RIOX2: variants seen among roughly 807,000 people sequenced by gnomAD.
The protein encoded by RIOX2 is 60S ribosomal protein L27a histidine hydroxylase.
RIOX2 carries 43 observed loss-of-function variants against 51.2 expected under a neutral mutation model. That is an observed-to-expected ratio of 0.84 (90% CI 0.66 to 1.08). The LOEUF is 1.08. Ranked by LOEUF, RIOX2 falls within the 50% of genes least tolerant of loss-of-function variation. RIOX2 has a pLI of 0.00. For synonymous variants in RIOX2, 226 were observed against 218.5 expected (o/e 1.03, Z -0.30); for missense variants, 566 against 561.7 (o/e 1.01, Z -0.08).
rs148973708 is a variant in RIOX2 at position 97,943,331 on chromosome 3, A to G, written c.*1853T>C. ...ATATTGTGAGAGAATCAACATCCCT[A>G]GAAAGATCCCTAGAAAGAGCAAAGA... is the stretch of plus-strand genomic sequence containing the variant. On this transcript the variant is annotated 3_prime_UTR_variant, in exon 10 of 10. Transcript: ENST00000394198. 338 of 1,403,202 alleles carry G rather than the reference A, an allele frequency of 2.4e-4. No individual in the cohort carries two copies. In the African/African-American group the frequency reaches 4.0e-3, roughly 17 times the overall value. The allele number at this position is 1,403,202 out of a possible 1,614,324, so 86.9% of individuals were successfully genotyped here.
rs777020679 is a variant in RIOX2, at chr3:97,954,503, A to C, written c.682-8T>G. 2.0e-5 allele frequency: 32 copies of C among 1,609,816 alleles called. No homozygotes were observed. ...GTACAACAAATCACCCGGCTAAAGGAAGGAATAGGAAAGGGTAGAGAAGTT... is the reference window on the plus strand; with the variant it reads ...GTACAACAAATCACCCGGCTAAAGGCAGGAATAGGAAAGGGTAGAGAAGTT... On this transcript the variant is annotated splice_region_variant and splice_polypyrimidine_tract_variant and intron_variant, in intron 4 of 9. Coordinates refer to ENST00000394198, the MANE Select transcript of RIOX2 (RefSeq NM_153182.4).
chr3:97,961,451 C>G (rs556307904), intron 3 of RIOX2, 138 bp downstream of exon 3: 195 of 921,874 alleles, frequency 2.1e-4, no homozygotes, highest in Non-Finnish European at 2.8e-4. Flanking sequence ...AAATCAATAT[C>G]TCAGAAACTG....
chr3:97,964,811 T>A (rs1364163715), intron 2 of RIOX2, among the ~76,000 whole-genome samples: 3 of 145,070 alleles, frequency 2.1e-5, no homozygotes, highest in Non-Finnish European at 4.7e-5. Flanking sequence ...ATGAAATTAC[T>A]TGGTAAACTC....
intron 1 of RIOX2, among the ~76,000 whole-genome samples, chr3:97,969,020 A>T (rs564272605): frequency 2.6e-5 from 4 of 152,218 alleles, no homozygotes; most frequent in African/African-American, 9.7e-5. Context: ...ATACTGTGTG[A>T]CGTGTTGCAA....
rs1706170807 is a variant in RIOX2, at chr3:97,972,379, AC to A, written c.-40+1del. On this transcript the variant is annotated splice_donor_variant, in intron 1 of 9. Coordinates refer to ENST00000394198, the MANE Select transcript of RIOX2 (RefSeq NM_153182.4). LOFTEE classifies it low-confidence loss of function (5UTR_SPLICE). ...GGATGCCCACGAGAGCGCCCCACTC[AC>A]CCGGCACGGCCTGTTGCTCGCGGCC... is the stretch of plus-strand genomic sequence containing the variant. 1.3e-5 allele frequency: 2 copies of A among 149,304 alleles called. No individual in the cohort carries two copies. Among genetic ancestry groups the A allele is most frequent in the African/African-American group, 4.9e-5 (2 of 40,734 alleles). The allele number at this position is 149,304 out of a possible 1,614,324, so 9.2% of individuals were successfully genotyped here. A position where few individuals can be genotyped will look rare whatever the true frequency, so the allele number is the denominator to read the frequency against.
intron 2 of RIOX2, 69 bp downstream of exon 2, chr3:97,967,093 G>C: frequency 1.3e-6 from 2 of 1,513,786 alleles, no homozygotes; most frequent in Non-Finnish European, 1.8e-6. Context: ...ATTCACCCTT[G>C]AGCTGATATG....
rs1559756714 is a variant in RIOX2, at chr3:97,949,887, G to GA, written c.1016dup (p.Tyr342LeufsTer28). On this transcript the variant is annotated frameshift_variant, in exon 7 of 10. Transcript: ENST00000394198. LOFTEE classifies it high-confidence loss of function. ...CCCCATCTCCCGCAGAGTAAGGGGG[G>GA]AGTCTGTGCATAATAAAATCCTTCT... 1.9e-6 allele frequency: 3 copies of GA among 1,613,626 alleles called. No homozygotes were observed. Among genetic ancestry groups the GA allele is most frequent in the Non-Finnish European group, 2.5e-6 (3 of 1,179,946 alleles).
At chr3:97,948,253 A>AG (rs2040407710) in intron 7 of RIOX2, among the ~76,000 whole-genome samples, 1 of 152,188 alleles carries the variant, frequency 6.6e-6, no homozygotes, top group African/African-American at 2.4e-5. Flanking sequence ...ATATAGAATC[A>AG]GTGTTGGAAG....
At chr3:97,964,973 C>A (rs1705826648) in intron 2 of RIOX2, among the ~76,000 whole-genome samples, 1 of 151,988 alleles carries the variant, frequency 6.6e-6, no homozygotes, top group Non-Finnish European at 1.5e-5. Flanking sequence ...ATAAGCTGTG[C>A]ACAGTCTGAG....
At chr3:97,965,409 G>C (rs1282695245) in intron 2 of RIOX2, among the ~76,000 whole-genome samples, 1 of 151,778 alleles carries the variant, frequency 6.6e-6, no homozygotes, top group Admixed American at 6.6e-5. Context: ...CTACTAGGGG[G>C]ACTGAGGCAG....
intron 2 of RIOX2, among the ~76,000 whole-genome samples, chr3:97,966,475 T>C (rs1705894533): frequency 1.3e-5 from 2 of 152,268 alleles, no homozygotes; most frequent in Non-Finnish European, 2.9e-5. Flanking sequence ...ATCTGCATTT[T>C]ATAAATGTAG....
chr3:97,961,515 C>G, intron 3 of RIOX2, 74 bp downstream of exon 3: 1 of 1,489,844 alleles, frequency 6.7e-7, no homozygotes, highest in Non-Finnish European at 9.0e-7. Flanking sequence ...GTGAACTCAC[C>G]CTGACAACTC....
At chr3:97,964,696 TAAAAAA>T (rs1159985029) in intron 2 of RIOX2, among the ~76,000 whole-genome samples, 2 of 60,210 alleles carry the variant, frequency 3.3e-5, no homozygotes, top group African/African-American at 1.4e-4. Context: ...GACTCTGTCT[TAAAAAA>T]AAAAAAAAAA....
In RIOX2 at chr3:97,943,041, A is replaced by G; in HGVS notation, c.*2143T>C. ...TTTTAGTATTTCAATTTGAGTCATA[A>G]TAAGGTCCAATTTGAGGTGAATAAT... is the stretch of plus-strand genomic sequence containing the variant. On this transcript the variant is annotated 3_prime_UTR_variant, in exon 10 of 10. Transcript: ENST00000394198. The G allele has an allele frequency of 1.1e-5, 6 of 563,474 alleles. No homozygotes were observed. The South Asian group carries it at 1.4e-4, about 13-fold the overall frequency. 34.9% of individuals were successfully genotyped at this position (563,474 alleles called of 1,614,324 possible).
intron 8 of RIOX2, among the ~76,000 whole-genome samples, chr3:97,946,710 T>C (rs974317248): frequency 8.6e-5 from 13 of 151,316 alleles, no homozygotes; most frequent in African/African-American, 2.9e-4. Flanking sequence ...CCCTTGATCA[T>C]TCATGGGATA....
At chr3:97,949,693 C>T (rs1384290176) in intron 7 of RIOX2, 151 bp downstream of exon 7, 8 of 673,772 alleles carry the variant, frequency 1.2e-5, no homozygotes, top group Admixed American at 5.7e-5. Flanking sequence ...CAGCACATCT[C>T]GTCTGCCCAT....
Position 97,943,198 on chromosome 3 carries a change from A to G in RIOX2, c.*1986T>C. The G allele has an allele frequency of 7.5e-7, 1 of 1,330,432 alleles. No homozygotes were observed. The allele number at this position is 1,330,432 out of a possible 1,614,324, so 82.4% of individuals were successfully genotyped here. ...TGCTAAGCACCTGCCTGAACAAATAATCTTTTCTTTTGGAATTTCTATTTT... is the reference window on the plus strand; with the variant it reads ...TGCTAAGCACCTGCCTGAACAAATAGTCTTTTCTTTTGGAATTTCTATTTT... On this transcript the variant is annotated 3_prime_UTR_variant, in exon 10 of 10. Transcript: ENST00000394198.
intron 2 of RIOX2, among the ~76,000 whole-genome samples, chr3:97,963,715 A>G (rs977124448): frequency 6.6e-5 from 10 of 152,112 alleles, no homozygotes; most frequent in Non-Finnish European, 1.3e-4. Context: ...CGACCCAACT[A>G]TCAGGGTAAC....
intron 5 of RIOX2, among the ~76,000 whole-genome samples, chr3:97,951,959 T>C (rs1452264595): frequency 6.6e-6 from 1 of 152,222 alleles, no homozygotes; most frequent in African/African-American, 2.4e-5. Flanking sequence ...CAACAGCTCA[T>C]GGAGGAATTT....
Sources: gnomAD v4.1 joint callset for allele counts (sites outside exome capture counted in the v4.1 genomes callset) on GRCh38, gnomAD v4.1.1 for gene constraint, MANE v1.5 for transcripts, NCBI Gene and HGNC (gene_info 2026-07-23, HGNC 2026-07-21) for gene names.